The following PGBD1 variants were observed in gnomAD, a reference collection of about 807,000 sequenced individuals.
PGBD1 encodes piggyBac transposable element-derived protein 1.
PGBD1 carries 25 observed loss-of-function variants against 34.7 expected under a neutral mutation model. The ratio of observed to expected loss-of-function variants is 0.72; its 90% CI spans 0.52 to 1.00. The LOEUF (loss-of-function observed/expected upper bound fraction) is 1.00. Ranked by LOEUF, PGBD1 falls within the 50% of genes least tolerant of loss-of-function variation. The pLI is 0.00. For missense variants in PGBD1, 830 were observed against 959.4 expected (o/e 0.87, Z 1.78); for synonymous variants, 292 against 335.7 (o/e 0.87, Z 1.42).
In PGBD1 at chr6:28,283,772, A is replaced by G; in HGVS notation, c.-38-4A>G. 1 of 1,519,626 alleles carries G rather than the reference A, an allele frequency of 6.6e-7. No homozygotes were observed. Among genetic ancestry groups the G allele is most frequent in the Admixed American group, 2.2e-5 (1 of 46,010 alleles). 94.1% of individuals were successfully genotyped at this position (1,519,626 alleles called of 1,614,324 possible). ...ATGCCTCAGATCTCTATTTCTGAATATAGACCCCAAGCTAAGTGAAGCTTT... is the reference window on the plus strand; with the variant it reads ...ATGCCTCAGATCTCTATTTCTGAATGTAGACCCCAAGCTAAGTGAAGCTTT... On this transcript the variant is annotated splice_region_variant and splice_polypyrimidine_tract_variant and intron_variant, in intron 1 of 6. Coordinates refer to ENST00000682144, the MANE Select transcript of PGBD1 (RefSeq NM_032507.4).
Position 28,300,870 on chromosome 6 carries a change from C to G in PGBD1, c.1016C>G (p.Thr339Ser). The stretch of plus-strand genomic sequence containing the variant: ...CTGGAATATGCTGCAGGAGACATTA[C>G]CCGAAAAGGGAGAAAAAAAGACAAA... ...SSLEYAAGDI[T>S]RKGRKKDKAR... The change falls in exon 7 of 7, where the codon ACC becomes AGC. Residue 339 changes from threonine to serine, a missense_variant. By Grantham distance (58) the Thr-to-Ser change is moderately conservative. Coordinates refer to ENST00000682144, the MANE Select transcript of PGBD1 (RefSeq NM_032507.4). This position sits in a 1 kb window ranked among gnomAD's most constrained non-coding sequence, Gnocchi z 4.0. 1.2e-6 allele frequency: 2 copies of G among 1,614,036 alleles called. No individual in the cohort carries two copies. The highest frequency in any genetic ancestry group is 1.7e-6 in the Non-Finnish European group (2 of 1,180,018).
chr6:28,289,200 A>G (rs1762375337), intron 4 of PGBD1, among the ~76,000 whole-genome samples: 1 of 152,142 alleles, frequency 6.6e-6, no homozygotes. Flanking sequence ...AAAAGCAGCA[A>G]GAGACAAGAA....
In PGBD1 at chr6:28,301,738, C is replaced by G. The variant is rs150171687; in HGVS notation, c.1884C>G (p.Ser628Arg). ...GQYPYHLCFD[S>R]FFTSVKLLSA... Reference sequence around the variant, plus strand: ...ATCCCTATCACCTGTGTTTTGATAGCTTCTTTACAAGTGTCAAATTGTTGT... The same window carrying G: ...ATCCCTATCACCTGTGTTTTGATAGGTTCTTTACAAGTGTCAAATTGTTGT... The change falls in exon 7 of 7, where the codon AGC becomes AGG. Residue 628 changes from serine to arginine, a missense_variant. By Grantham distance (110) the Ser-to-Arg change is moderately radical (BLOSUM62 -1). Transcript: ENST00000682144. 35 of 1,614,052 alleles carry G rather than the reference C, an allele frequency of 2.2e-5. No individual in the cohort carries two copies. The African/African-American group carries it at 4.4e-4, about 20-fold the overall frequency.
intron 4 of PGBD1, among the ~76,000 whole-genome samples, chr6:28,288,233 T>C (rs1045457273): frequency 6.6e-6 from 1 of 152,202 alleles, no homozygotes; most frequent in Admixed American, 6.5e-5. Context: ...CCAAAAGATA[T>C]ATGAAAATCC....
rs1049259145 is a variant in PGBD1 at position 28,283,846 on chromosome 6, A to G, written c.33A>G (p.Glu11=). 6.2e-7 allele frequency: 1 copy of G among 1,608,088 alleles called. No individual in the cohort carries two copies. The highest frequency in any genetic ancestry group is 1.3e-5 in the African/African-American group (1 of 74,934). Residue 11 remains glutamate, a synonymous_variant, in exon 2 of 7, where the codon GAA becomes GAG. Transcript: ENST00000682144. MYEALPGPAP[E]NEDGLVKVKE... is the part of the protein sequence containing the mutation. ...AAGCTTTGCCAGGCCCTGCTCCTGA[A>G]AATGAAGATGGCCTTGTGAAAGTGA...
Position 28,284,021 on chromosome 6 carries a change from CATCA to C in PGBD1, c.211_214del (p.Gln71GlyfsTer2). ...TCTGGCCCAACTCCGAGAACTTTGT[CATCA>C]ATGGCTGAGACCGGAGATGCACACC... On this transcript the variant is annotated frameshift_variant, in exon 2 of 7. Transcript: ENST00000682144. LOFTEE classifies it high-confidence loss of function. 6.2e-7 allele frequency: 1 copy of C among 1,614,156 alleles called. No individual in the cohort carries two copies. Among genetic ancestry groups the C allele is most frequent in the Admixed American group, 1.7e-5 (1 of 60,028 alleles).
intron 5 of PGBD1, among the ~76,000 whole-genome samples, chr6:28,297,311 C>T (rs1036564923): frequency 6.6e-5 from 10 of 152,170 alleles, no homozygotes; most frequent in African/African-American, 2.4e-4. Flanking sequence ...CTCTGTCTGA[C>T]CTTGTCTTTA....
Position 28,281,628 on chromosome 6 carries a change from G to A in PGBD1, c.-329G>A. On this transcript the variant is annotated 5_prime_UTR_variant, in exon 1 of 7. Transcript: ENST00000682144. Reference sequence around the variant, plus strand: ...CGCCCGCCAGACCCGCCAGCCCAGCGGCCCGGGCTCTGGGGAAACCGGCGC... The same window carrying A: ...CGCCCGCCAGACCCGCCAGCCCAGCAGCCCGGGCTCTGGGGAAACCGGCGC... 1 of 378,768 alleles carries A rather than the reference G, an allele frequency of 2.6e-6. No homozygotes were observed. 23.5% of individuals were successfully genotyped at this position (378,768 alleles called of 1,614,324 possible). A position where few individuals can be genotyped will look rare whatever the true frequency, so the allele number is the denominator to read the frequency against.
chr6:28,291,272 T>C (rs1483864378), intron 4 of PGBD1, among the ~76,000 whole-genome samples: 2 of 151,490 alleles, frequency 1.3e-5, no homozygotes, highest in Non-Finnish European at 2.9e-5. Context: ...ACATAACAGC[T>C]GAGACCTCAG....
chr6:28,289,402 A>G (rs1390939518), intron 4 of PGBD1, among the ~76,000 whole-genome samples: 1 of 152,258 alleles, frequency 6.6e-6, no homozygotes, highest in Non-Finnish European at 1.5e-5. Flanking sequence ...GAGAGAGTAC[A>G]CCACCACCAG....
intron 4 of PGBD1, among the ~76,000 whole-genome samples, chr6:28,295,973 A>G (rs533530136): frequency 1.3e-4 from 20 of 152,306 alleles, no homozygotes; most frequent in Non-Finnish European, 2.4e-4. Context: ...TCATTCTCTA[A>G]AAGACTGGCA....
At chr6:28,290,857 CAG>C (rs1439513048) in intron 4 of PGBD1, among the ~76,000 whole-genome samples, 3 of 151,894 alleles carry the variant, frequency 2.0e-5, no homozygotes, top group African/African-American at 4.8e-5. Flanking sequence ...ACTAATTTGT[CAG>C]GGAAGAAATT....
Position 28,285,727 on chromosome 6 carries a change from T to C in PGBD1, c.553+20T>C. The C allele has an allele frequency of 6.2e-7, 1 of 1,606,404 alleles. No homozygotes were observed. On this transcript the variant is annotated intron_variant, in intron 3 of 6. Coordinates refer to ENST00000682144, the MANE Select transcript of PGBD1 (RefSeq NM_032507.4). ...TGAGTGGTGAGTGCTCGAGTGAGTT[T>C]AGTGAGGACGCTGGGAGCTGGCCAC...
At chr6:28,285,263 G>A (rs948712213) in intron 2 of PGBD1, among the ~76,000 whole-genome samples, 5 of 152,134 alleles carry the variant, frequency 3.3e-5, no homozygotes, top group African/African-American at 1.2e-4. Flanking sequence ...GGTTATGGTG[G>A]TACCTGTCAA....
intron 4 of PGBD1, among the ~76,000 whole-genome samples, chr6:28,287,887 T>C (rs1210986381): frequency 1.3e-5 from 2 of 152,208 alleles, no homozygotes; most frequent in African/African-American, 4.8e-5. Context: ...ATGCACATTC[T>C]GAAAATCAAC....
intron 2 of PGBD1, 147 bp from the exon 3 acceptor site, chr6:28,285,404 T>C (rs1217364677): frequency 1.4e-6 from 1 of 730,442 alleles, no homozygotes; most frequent in East Asian, 2.9e-5. Flanking sequence ...TCCACTTGTT[T>C]GTTGTTTTTG....
intron 2 of PGBD1, 28 bp from the exon 3 acceptor site, chr6:28,285,523 C>G: frequency 6.2e-7 from 1 of 1,608,680 alleles, no homozygotes; most frequent in Non-Finnish European, 8.5e-7. Context: ...ATATGCATGC[C>G]CTTTCAAAAT....
At position 28,296,918 on chromosome 6, in the gene PGBD1, G is replaced by A; in HGVS notation, c.745G>A (p.Glu249Lys). Residue 249 changes from glutamate (E) to lysine (K), a missense_variant, in exon 5 of 7, where the codon GAG becomes AAG. Transcript: ENST00000682144. ...RRNLCGNSAQ[E>K]TVMSLSPMTE... ...GAACCTCTGTGGGAACTCAGCTCAG[G>A]AGACAGTTATGAGCCTCAGTCCGAT... 2 of 1,614,114 alleles carry A rather than the reference G, an allele frequency of 1.2e-6. No homozygotes were observed. Among genetic ancestry groups the A allele is most frequent in the Non-Finnish European group, 1.7e-6 (2 of 1,179,988 alleles).
chr6:28,283,251 T>A (rs1278717417), intron 1 of PGBD1, among the ~76,000 whole-genome samples: 2 of 152,110 alleles, frequency 1.3e-5, no homozygotes, highest in Non-Finnish European at 2.9e-5. Context: ...ATTCCACTGG[T>A]CAAAGCAAGT....
Sources: gnomAD v4.1 joint callset for allele counts (sites outside exome capture counted in the v4.1 genomes callset) on GRCh38, gnomAD v4.1.1 for gene constraint, Gnocchi (gnomAD v3.1) non-coding constraint, MANE v1.5 for transcripts, NCBI Gene and HGNC (gene_info 2026-07-23, HGNC 2026-07-21) for gene names.